Variants in CSRNP3 observed in about 807,000 individuals in gnomAD.
The protein encoded by CSRNP3 is cysteine and serine rich nuclear protein 3.
A neutral mutation model predicts 48.0 loss-of-function variants in CSRNP3; 12 were observed. The ratio of observed to expected loss-of-function variants is 0.25; its 90% CI spans 0.16 to 0.41. CSRNP3 has a LOEUF of 0.41. CSRNP3 is among the 10% of genes least tolerant of loss of function. The pLI is 1.00. For missense variants in CSRNP3, 580 were observed against 724.4 expected, an observed-to-expected ratio of 0.80 and a Z score of 2.29; for synonymous variants, 263 against 269.7, an observed-to-expected ratio of 0.98 and a Z score of 0.24.
intron 3 of CSRNP3, among the ~76,000 whole-genome samples, chr2:165,547,926 G>A (rs976500563): frequency 6.6e-6 from 1 of 151,992 alleles, no homozygotes; most frequent in Non-Finnish European, 1.5e-5. Flanking sequence ...CTTTACATGG[G>A]TTTTTAGTAC....
At chr2:165,621,529 A>G (rs918231749) in intron 4 of CSRNP3, among the ~76,000 whole-genome samples, 7 of 152,212 alleles carry the variant, frequency 4.6e-5, no homozygotes, top group African/African-American at 1.7e-4. Flanking sequence ...AATAAAAAGT[A>G]CGTGAAGTAG....
In CSRNP3 at chr2:165,680,787, A is replaced by G. The variant is rs994525638; in HGVS notation, c.*1034A>G. On this transcript the variant is annotated 3_prime_UTR_variant, in exon 7 of 7. Transcript: ENST00000651982. ...GATACTTATGAAGGGAAAATGACCT[A>G]TTTTCCTTCACCACTCTGAGGACCT... is the stretch of plus-strand genomic sequence containing the variant. The G allele has an allele frequency of 5.9e-5, 9 of 152,140 alleles. No homozygotes were observed. The highest frequency in any genetic ancestry group is 4.2e-4 in the South Asian group (2 of 4,818). The allele number at this position is 152,140 out of a possible 1,614,324, so 9.4% of individuals were successfully genotyped here.
intron 1 of CSRNP3, among the ~76,000 whole-genome samples, chr2:165,479,910 G>A (rs1318921320): frequency 1.3e-5 from 2 of 151,784 alleles, no homozygotes; most frequent in Non-Finnish European, 1.5e-5. Flanking sequence ...AGTCCTGCAC[G>A]GTATGGCTAG....
At chr2:165,648,902 T>C (rs1163968465) in intron 4 of CSRNP3, among the ~76,000 whole-genome samples, 2 of 152,184 alleles carry the variant, frequency 1.3e-5, no homozygotes, top group Non-Finnish European at 2.9e-5. Flanking sequence ...TTTCAGTAGA[T>C]GAGTATTCGA....
intron 4 of CSRNP3, among the ~76,000 whole-genome samples, chr2:165,634,217 G>A (rs1224156420): frequency 2.6e-5 from 4 of 151,966 alleles, no homozygotes; most frequent in Non-Finnish European, 2.9e-5. Flanking sequence ...GTGTGTGCCT[G>A]TAATCCCAGG....
At chr2:165,554,164 A>G (rs1685134608) in intron 3 of CSRNP3, among the ~76,000 whole-genome samples, 1 of 152,038 alleles carries the variant, frequency 6.6e-6, no homozygotes, top group Non-Finnish European at 1.5e-5. Flanking sequence ...TTTTTTTAAG[A>G]TGCTCTTTGC....
intron 3 of CSRNP3, among the ~76,000 whole-genome samples, chr2:165,581,711 A>T (rs1322720532): frequency 2.0e-5 from 3 of 151,982 alleles, no homozygotes; most frequent in African/African-American, 7.2e-5. Flanking sequence ...TAATTTTTGT[A>T]TTTTTAGTAG....
chr2:165,645,387 G>A (rs1686794162), intron 4 of CSRNP3, among the ~76,000 whole-genome samples: 1 of 152,078 alleles, frequency 6.6e-6, no homozygotes, highest in African/African-American at 2.4e-5. Flanking sequence ...TCATTCATGA[G>A]AGTGCCACCC....
intron 4 of CSRNP3, among the ~76,000 whole-genome samples, chr2:165,643,567 C>T (rs190146479): frequency 5.3e-5 from 8 of 152,220 alleles, no homozygotes; most frequent in East Asian, 3.9e-4. Flanking sequence ...TTTTTGACCC[C>T]GGAGTCTCAT....
intron 1 of CSRNP3, among the ~76,000 whole-genome samples, chr2:165,472,862 A>G (rs1015128606): frequency 1.3e-5 from 2 of 152,148 alleles, no homozygotes; most frequent in African/African-American, 2.4e-5. Context: ...TGTAGCCAAC[A>G]TATTATTTAA....
intron 2 of CSRNP3, 123 bp downstream of exon 2, chr2:165,495,051 T>C (rs1684267540): frequency 6.6e-6 from 1 of 152,542 alleles, no homozygotes; most frequent in Non-Finnish European, 1.5e-5. Context: ...ATCAAAATAT[T>C]TGTAAAACAT....
chr2:165,676,434 G>A lies in CSRNP3; in HGVS notation c.531G>A (p.Leu177=). 1 of 1,614,084 alleles carries A rather than the reference G, an allele frequency of 6.2e-7. No individual in the cohort carries two copies. Among genetic ancestry groups the A allele is most frequent in the Non-Finnish European group, 8.5e-7 (1 of 1,179,982 alleles). ...ATGAGTACTTCTTCCTACAACCTTT[G>A]CCAACAAAAAAACGAAGAGCTCTGC... ...EVDEYFFLQP[L]PTKKRRALLR... Residue 177 remains leucine, a synonymous_variant, in exon 6 of 7, where the codon TTG becomes TTA. Coordinates refer to ENST00000651982, the MANE Select transcript of CSRNP3 (RefSeq NM_001172173.2).
At chr2:165,632,778 T>C (rs1455193432) in intron 4 of CSRNP3, among the ~76,000 whole-genome samples, 3 of 152,196 alleles carry the variant, frequency 2.0e-5, no homozygotes, top group Non-Finnish European at 2.9e-5. Context: ...TCATTACTGT[T>C]TTATCAGAGC....
At chr2:165,652,001 A>G (rs1452222844) in intron 4 of CSRNP3, among the ~76,000 whole-genome samples, 1 of 152,160 alleles carries the variant, frequency 6.6e-6, no homozygotes. Flanking sequence ...GATAGTGAAT[A>G]TCAGTAACTG....
chr2:165,621,070 C>T (rs1283698079), intron 4 of CSRNP3, among the ~76,000 whole-genome samples: 1 of 151,836 alleles, frequency 6.6e-6, no homozygotes, highest in African/African-American at 2.4e-5. Context: ...AATTTCTTTC[C>T]TGATTATGAA....
In CSRNP3 at chr2:165,681,688, G is replaced by A. The variant is rs138998515; in HGVS notation, c.*1935G>A. On this transcript the variant is annotated 3_prime_UTR_variant, in exon 7 of 7. Coordinates refer to ENST00000651982, the MANE Select transcript of CSRNP3 (RefSeq NM_001172173.2). ...TCCTTTTGAATGATTGGCCCTTTGG[G>A]CTAATCAGAATGAGGATTTGTTGAA... 98 of 141,940 alleles carry A rather than the reference G, an allele frequency of 6.9e-4. No individual in the cohort carries two copies. The highest frequency in any genetic ancestry group is 1.2e-3 in the Non-Finnish European group (78 of 66,164). The allele number at this position is 141,940 out of a possible 1,614,324, so 8.8% of individuals were successfully genotyped here. A position where few individuals can be genotyped will look rare whatever the true frequency, so the allele number is the denominator to read the frequency against.
chr2:165,550,415 A>G (rs2105259488), intron 3 of CSRNP3, among the ~76,000 whole-genome samples: 1 of 152,322 alleles, frequency 6.6e-6, no homozygotes, highest in East Asian at 1.9e-4. Flanking sequence ...TATTTTGAAT[A>G]GAGTGGGAAT....
At chr2:165,584,105 A>G (rs980459940) in intron 3 of CSRNP3, among the ~76,000 whole-genome samples, 5 of 152,204 alleles carry the variant, frequency 3.3e-5, no homozygotes, top group East Asian at 1.9e-4. Context: ...CTTAATTACT[A>G]TGTTTTTCAT....
chr2:165,472,638 A>G (rs1367975116), intron 1 of CSRNP3, among the ~76,000 whole-genome samples: 1 of 152,010 alleles, frequency 6.6e-6, no homozygotes, highest in African/African-American at 2.4e-5. Flanking sequence ...GTTAAGAGGA[A>G]AAATCATCAT....
Sources: gnomAD v4.1 joint callset for allele counts (sites outside exome capture counted in the v4.1 genomes callset) on GRCh38, gnomAD v4.1.1 for gene constraint, MANE v1.5 for transcripts, NCBI Gene and HGNC (gene_info 2026-07-23, HGNC 2026-07-21) for gene names.